The following UGT2B28 variants were observed in gnomAD, a reference collection of about 807,000 sequenced individuals.
UGT2B28 encodes the protein UDP-glucuronosyltransferase 2B28.
In UGT2B28, 45 loss-of-function variants were observed where a neutral mutation model predicts 43.6. The observed-to-expected ratio is 1.03, with a 90% CI of 0.81 to 1.32. The LOEUF (loss-of-function observed/expected upper bound fraction) is 1.32, where lower values mean the gene tolerates loss of function less well. Among genes scored for constraint, UGT2B28 ranks in the 40% most tolerant of loss-of-function variants. UGT2B28 has a pLI of 0.00. For synonymous variants in UGT2B28, 204 were observed against 208.1 expected (o/e 0.98, Z 0.17); for missense variants, 649 against 625.5 (o/e 1.04, Z -0.40).
chr4:69,290,653 C>G lies in UGT2B28; in HGVS notation c.1152C>G (p.Ile384Met). The change falls in exon 5 of 6, where the codon ATC (isoleucine) becomes ATG (methionine). Residue 384 changes from isoleucine to methionine, a missense_variant. Transcript: ENST00000335568. Reference protein sequence around the residue: ...HGGANGIYEAIYHGIPMVGIP... With the variant: ...HGGANGIYEAMYHGIPMVGIP... ...GAGCCAATGGCATCTATGAGGCAAT[C>G]TACCATGGGATCCCTATGGTAGGCA... is the stretch of plus-strand genomic sequence containing the variant. 6.4e-7 allele frequency: 1 copy of G among 1,559,454 alleles called. No individual in the cohort carries two copies. Among genetic ancestry groups the G allele is most frequent in the Non-Finnish European group, 8.7e-7 (1 of 1,155,200 alleles).
chr4:69,287,740 A>T lies in UGT2B28; in HGVS notation c.1002+857A>T, dbSNP rs186384300. On this transcript the variant is annotated intron_variant, in intron 3 of 5. Transcript: ENST00000335568. The stretch of plus-strand genomic sequence containing the variant: ...AAGCCAGGCAGGGGAACAGGTTTAG[A>T]TGTCCCCTCCATAGAACATAGTAGG... Among the ~76,000 whole-genome samples the T allele has an allele frequency of 8.6e-5, 12 of 140,234 alleles. 2 individuals carry two copies. The East Asian group carries it at 2.2e-3, about 26-fold the overall frequency. The allele number at this position is 140,234 out of a possible 152,430, so 92.0% of individuals were successfully genotyped here.
chr4:69,288,309 T>G (rs1723839312), intron 3 of UGT2B28, among the ~76,000 whole-genome samples: 2 of 139,846 alleles, frequency 1.4e-5, no homozygotes, highest in African/African-American at 5.6e-5. Context: ...TTTCTTATAA[T>G]TAGCTTATTT....
Position 69,294,490 on chromosome 4 carries a change from A to T in UGT2B28, c.1311-40A>T, listed in dbSNP as rs1258487634. The T allele has an allele frequency of 1.3e-6, 2 of 1,487,768 alleles. 1 individual carries two copies. Among genetic ancestry groups the T allele is most frequent in the African/African-American group, 3.2e-5 (2 of 63,414 alleles). The allele number at this position is 1,487,768 out of a possible 1,614,324, so 92.2% of individuals were successfully genotyped here. ...AGACTTGATACATACAGGCCAGTTA[A>T]CTTACTTTCAGTGTTGGTATCTTTA... On this transcript the variant is annotated intron_variant, in intron 5 of 5. Coordinates refer to ENST00000335568, the MANE Select transcript of UGT2B28 (RefSeq NM_053039.2).
rs771182634 is a variant in UGT2B28 at position 69,282,560 on chromosome 4, G to A, written c.768G>A (p.Trp256Ter). 1.9e-5 allele frequency: 30 copies of A among 1,553,220 alleles called. 6 individuals are homozygous for A. The highest frequency in any genetic ancestry group is 2.6e-5 in the Non-Finnish European group (30 of 1,153,096). The change falls in exon 2 of 6, where the codon TGG becomes TGA. Residue 256 changes from tryptophan to a stop codon, truncating the protein, a stop_gained. Transcript: ENST00000335568. LOFTEE classifies it high-confidence loss of function. ...LFETMGKADI[W>*]LMRNSWSFQF... Reference sequence around the variant, plus strand: ...AGACAATGGGGAAAGCTGACATATGGCTTATGCGAAACTCCTGGAGTTTTC... The same window carrying A: ...AGACAATGGGGAAAGCTGACATATGACTTATGCGAAACTCCTGGAGTTTTC...
In UGT2B28 at chr4:69,292,667, A is replaced by G; in HGVS notation, c.1310+1856A>G. 1.4e-5 allele frequency among the ~76,000 whole-genome samples: 2 copies of G among 140,182 alleles called. 1 individual carries two copies. Among genetic ancestry groups the G allele is most frequent in the Non-Finnish European group, 3.1e-5 (2 of 65,524 alleles). 92.0% of individuals were successfully genotyped at this position (140,182 alleles called of 152,430 possible). A position where few individuals can be genotyped will look rare whatever the true frequency, so the allele number is the denominator to read the frequency against. On this transcript the variant is annotated intron_variant, in intron 5 of 5. Coordinates refer to ENST00000335568, the MANE Select transcript of UGT2B28 (RefSeq NM_053039.2). ...TATACAATACACATATATGTATTGT[A>G]TATATCAACTTGAAGACACATTTTC...
rs555204664 is a variant in UGT2B28, at chr4:69,289,749, C to A, written c.1087C>A (p.Leu363Ile). The A allele has an allele frequency of 6.5e-7, 1 of 1,547,228 alleles. No individual in the cohort carries two copies. Among genetic ancestry groups the A allele is most frequent in the African/African-American group, 1.5e-5 (1 of 65,588 alleles). ...TAAGTGGATACCCCAGAATGACCTT[C>A]TAGGTAACACTCTGGTGAACAAATA... ...LYKWIPQNDL[L>I]GLPKTRAFIT... is the part of the protein sequence containing the mutation. The change falls in exon 4 of 6, where the codon CTA (leucine) becomes ATA (isoleucine). Residue 363 changes from leucine to isoleucine, a missense_variant. Transcript: ENST00000335568.
chr4:69,285,622 A>G (rs1723751775), intron 2 of UGT2B28, among the ~76,000 whole-genome samples: 2 of 141,568 alleles, frequency 1.4e-5, no homozygotes, highest in African/African-American at 2.7e-5. Flanking sequence ...GCTCTGCCAT[A>G]CGTGGTGCAC....
In UGT2B28 at chr4:69,282,246, T is replaced by C. The variant is rs1392656444; in HGVS notation, c.722-268T>C. On this transcript the variant is annotated intron_variant, in intron 1 of 5. Transcript: ENST00000335568. Reference sequence around the variant, plus strand: ...GATGTTTAATTTTCTATGACTTATTTTAATAATTGTGAGTACACTGACTTG... The same window carrying C: ...GATGTTTAATTTTCTATGACTTATTCTAATAATTGTGAGTACACTGACTTG... Among the ~76,000 whole-genome samples the C allele has an allele frequency of 5.0e-5, 7 of 140,140 alleles. 1 individual carries two copies. The highest frequency in any genetic ancestry group is 1.9e-4 in the African/African-American group (7 of 35,958). 91.9% of individuals were successfully genotyped at this position (140,140 alleles called of 152,430 possible).
chr4:69,292,940 C>A lies in UGT2B28; in HGVS notation c.1311-1590C>A, dbSNP rs1723995655. On this transcript the variant is annotated intron_variant, in intron 5 of 5. Transcript: ENST00000335568. Reference sequence around the variant, plus strand: ...TGCATGCACTTTTATCTCAGCAATTCTACTCTCAATTATATACACAACAGA... The same window carrying A: ...TGCATGCACTTTTATCTCAGCAATTATACTCTCAATTATATACACAACAGA... Among the ~76,000 whole-genome samples the A allele has an allele frequency of 2.1e-5, 3 of 140,330 alleles. 1 individual carries two copies. Among genetic ancestry groups the A allele is most frequent in the Non-Finnish European group, 4.6e-5 (3 of 65,640 alleles). 92.1% of individuals were successfully genotyped at this position (140,330 alleles called of 152,430 possible). A position where few individuals can be genotyped will look rare whatever the true frequency, so the allele number is the denominator to read the frequency against.
intron 2 of UGT2B28, among the ~76,000 whole-genome samples, chr4:69,284,252 T>C (rs1723705017): frequency 7.1e-6 from 1 of 139,952 alleles, no homozygotes; most frequent in East Asian, 2.0e-4. Flanking sequence ...GTGCCCTTAG[T>C]TTCAATACGA....
intron 2 of UGT2B28, among the ~76,000 whole-genome samples, chr4:69,284,147 C>T (rs1723702580): frequency 7.1e-6 from 1 of 140,084 alleles, no homozygotes; most frequent in Admixed American, 7.2e-5. Flanking sequence ...GGGAACTTAT[C>T]TCAACATCAT....
Position 69,286,804 on chromosome 4 carries a change from C to T in UGT2B28, c.923C>T (p.Ser308Phe). The stretch of plus-strand genomic sequence containing the variant: ...GGTGAAAATGGTGTTGTGGTGTTTT[C>T]TCTGGGGTCAGTGATAAGTAACATG... ...SSGENGVVVF[S>F]LGSVISNMTA... Residue 308 changes from serine (S) to phenylalanine (F), a missense_variant, in exon 3 of 6, where the codon TCT (serine) becomes TTT (phenylalanine). Physicochemically the swap from Ser to Phe is radical, Grantham distance 155. Coordinates refer to ENST00000335568, the MANE Select transcript of UGT2B28 (RefSeq NM_053039.2). The T allele has an allele frequency of 6.4e-7, 1 of 1,556,568 alleles. No individual in the cohort carries two copies. Among genetic ancestry groups the T allele is most frequent in the East Asian group, 2.3e-5 (1 of 43,506 alleles).
In UGT2B28 at chr4:69,292,968, T is replaced by C. The variant is rs2109698119; in HGVS notation, c.1311-1562T>C. Reference sequence around the variant, plus strand: ...CTCTCAATTATATACACAACAGATATACATAAATATATAAATCTAATGCTG... The same window carrying C: ...CTCTCAATTATATACACAACAGATACACATAAATATATAAATCTAATGCTG... On this transcript the variant is annotated intron_variant, in intron 5 of 5. Coordinates refer to ENST00000335568, the MANE Select transcript of UGT2B28 (RefSeq NM_053039.2). Among the ~76,000 whole-genome samples, 2 of 140,682 alleles carry C rather than the reference T, an allele frequency of 1.4e-5. 1 individual carries two copies. The highest frequency in any genetic ancestry group is 5.5e-5 in the African/African-American group (2 of 36,258). 92.3% of individuals were successfully genotyped at this position (140,682 alleles called of 152,430 possible).
At chr4:69,283,180 A>G (rs1175701397) in intron 2 of UGT2B28, among the ~76,000 whole-genome samples, 1 of 139,742 alleles carries the variant, frequency 7.2e-6, no homozygotes, top group East Asian at 2.0e-4. Context: ...TGAGAGCTGA[A>G]CAATATGCAG....
At chr4:69,292,867 A>C (rs767103491) in intron 5 of UGT2B28, among the ~76,000 whole-genome samples, 3 of 140,658 alleles carry the variant, frequency 2.1e-5, no homozygotes, top group South Asian at 2.4e-4. Flanking sequence ...TGGAAATTAA[A>C]AAAATACACT....
At chr4:69,281,287 A>G in intron 1 of UGT2B28, 66 bp downstream of exon 1, 1 of 1,406,122 alleles carries the variant, frequency 7.1e-7, no homozygotes, top group Non-Finnish European at 9.3e-7. Context: ...CAGAGCTTAT[A>G]TAAAGCCATA....
chr4:69,289,085 T>G (rs980482131), intron 3 of UGT2B28, among the ~76,000 whole-genome samples: 1 of 139,524 alleles, frequency 7.2e-6, no homozygotes, highest in Admixed American at 7.2e-5. Flanking sequence ...GAACCAGTTA[T>G]AGTCCTTTGC....
chr4:69,282,444 C>A, intron 1 of UGT2B28, 70 bp from the exon 2 acceptor site: 1 of 1,459,978 alleles, frequency 6.8e-7, no homozygotes, highest in South Asian at 1.5e-5. Context: ...ATAATTCTAA[C>A]CCCTTTCAGA....
Position 69,290,644 on chromosome 4 carries a change from T to C in UGT2B28, c.1143T>C (p.Tyr381=), listed in dbSNP as rs749206440. Residue 381 remains tyrosine, a synonymous_variant, in exon 5 of 6, where the codon TAT becomes TAC. Transcript: ENST00000335568. ...CTCATGGTGGAGCCAATGGCATCTA[T>C]GAGGCAATCTACCATGGGATCCCTA... The part of the protein sequence containing the change: ...FITHGGANGI[Y]EAIYHGIPMV... 1.9e-6 allele frequency: 3 copies of C among 1,559,548 alleles called. No homozygotes were observed. The highest frequency in any genetic ancestry group is 1.2e-5 in the South Asian group (1 of 84,362).
Sources: gnomAD v4.1 joint callset for allele counts (sites outside exome capture counted in the v4.1 genomes callset) on GRCh38, gnomAD v4.1.1 for gene constraint, MANE v1.5 for transcripts, NCBI Gene and HGNC (gene_info 2026-07-23, HGNC 2026-07-21) for gene names.